Variants in NBAS observed in about 807,000 individuals in gnomAD.
The protein encoded by NBAS is NBAS subunit of NRZ tethering complex.
A neutral mutation model predicts 302.5 loss-of-function variants in NBAS; 219 were observed. The observed-to-expected ratio is 0.72, with a 90% CI of 0.65 to 0.81. The LOEUF is 0.81. Among genes scored for constraint, NBAS ranks in the 30% least tolerant of loss-of-function variants. The pLI, the probability that NBAS is intolerant of heterozygous loss-of-function variation, is 0.00. For missense variants in NBAS, 2,932 were observed against 2,841.6 expected, an observed-to-expected ratio of 1.03 and a Z score of -0.72; for synonymous variants, 1,118 against 1,021.6, an observed-to-expected ratio of 1.09 and a Z score of -1.80.
At chr2:15,339,961 G>A (rs975502188) in intron 35 of NBAS, among the ~76,000 whole-genome samples, 1 of 151,240 alleles carries the variant, frequency 6.6e-6, no homozygotes, top group Non-Finnish European at 1.5e-5. Context: ...AGTCAGCTAA[G>A]CAAAATGAAT....
the NBAS span, among the ~76,000 whole-genome samples, chr2:14,954,563 C>T: frequency 2.0e-5 from 3 of 152,064 alleles, 1 homozygote; most frequent in South Asian, 6.2e-4. Flanking sequence ...AGGACATACC[C>T]AAGACTGGGT....
At chr2:15,493,359 C>T (rs921725452) in intron 11 of NBAS, among the ~76,000 whole-genome samples, 2 of 152,206 alleles carry the variant, frequency 1.3e-5, no homozygotes, top group South Asian at 2.1e-4. Flanking sequence ...ATAAAAGCAA[C>T]TACATATCAC....
chr2:14,943,993 C>T, the NBAS span, among the ~76,000 whole-genome samples: 1 of 152,034 alleles, frequency 6.6e-6, no homozygotes, highest in Non-Finnish European at 1.5e-5. Context: ...ATTCGTTCAA[C>T]CAAATAAAAA....
chr2:14,921,839 A>AT, the NBAS span, among the ~76,000 whole-genome samples: 4 of 152,128 alleles, frequency 2.6e-5, no homozygotes, highest in South Asian at 2.1e-4. Context: ...GCTATTATAC[A>AT]TTTTTTTTAC....
chr2:14,950,862 GT>G, the NBAS span, among the ~76,000 whole-genome samples: 1 of 152,214 alleles, frequency 6.6e-6, no homozygotes, highest in Non-Finnish European at 1.5e-5. Flanking sequence ...GTGCCTTTCA[GT>G]TGTCATTAAT....
chr2:14,937,516 A>G, the NBAS span, among the ~76,000 whole-genome samples: 2 of 152,284 alleles, frequency 1.3e-5, no homozygotes, highest in Admixed American at 1.3e-4. Context: ...GCAGCTGAAG[A>G]ACCCTGGAAA....
intron 32 of NBAS, among the ~76,000 whole-genome samples, chr2:15,357,936 C>T (rs1269364408): frequency 6.6e-6 from 1 of 152,096 alleles, no homozygotes; most frequent in Non-Finnish European, 1.5e-5. Flanking sequence ...AATGGCCATT[C>T]TTCTGTGCTC....
At chr2:15,357,696 T>C (rs912187306) in intron 32 of NBAS, among the ~76,000 whole-genome samples, 2 of 152,164 alleles carry the variant, frequency 1.3e-5, no homozygotes, top group Non-Finnish European at 1.5e-5. Flanking sequence ...GATGAATATA[T>C]ATATAAATGA....
intron 12 of NBAS, among the ~76,000 whole-genome samples, chr2:15,485,690 T>C (rs907103603): frequency 6.6e-5 from 10 of 152,346 alleles, no homozygotes; most frequent in African/African-American, 2.2e-4. Context: ...GCAATTAGCA[T>C]ACAGAAAGAA....
chr2:15,381,091 T>C (rs180868909), intron 29 of NBAS, among the ~76,000 whole-genome samples: 193 of 152,340 alleles, frequency 1.3e-3, no homozygotes, highest in Non-Finnish European at 2.2e-3. Context: ...ATGACTTATA[T>C]GTCATAGTTT....
intron 9 of NBAS, among the ~76,000 whole-genome samples, chr2:15,513,027 T>G (rs1553329716): frequency 6.6e-6 from 1 of 152,198 alleles, no homozygotes; most frequent in Non-Finnish European, 1.5e-5. Flanking sequence ...AGAACTCATC[T>G]CTACCATATA....
At position 15,392,529 on chromosome 2, in the gene NBAS, G is replaced by T. The variant is rs10167989; in HGVS notation, c.3257+1698C>A. Among the ~76,000 whole-genome samples, 89 of 151,846 alleles carry T rather than the reference G, an allele frequency of 5.9e-4. 1 individual carries two copies. Among genetic ancestry groups the T allele is most frequent in the Admixed American group, 3.7e-3 (57 of 15,256 alleles). On this transcript the variant is annotated intron_variant, in intron 28 of 51. Coordinates refer to ENST00000281513, the MANE Select transcript of NBAS (RefSeq NM_015909.4). ...AAGAAAGAAATTCCCTTTACAATAG[G>T]ACCAAACAAGAATAAAATACTTAAG...
downstream of NBAS, among the ~76,000 whole-genome samples, chr2:15,163,698 A>C (rs1453745352): frequency 6.6e-6 from 1 of 151,998 alleles, no homozygotes; most frequent in African/African-American, 2.4e-5. Context: ...ATCTGCACAC[A>C]CCTTCTGGAA....
the NBAS span, among the ~76,000 whole-genome samples, chr2:14,941,592 C>T: frequency 6.6e-6 from 1 of 152,164 alleles, no homozygotes; most frequent in African/African-American, 2.4e-5. Context: ...AAATACTTCC[C>T]GGAGCACTGA....
At chr2:14,827,953 A>G in the NBAS span, among the ~76,000 whole-genome samples, 1 of 152,246 alleles carries the variant, frequency 6.6e-6, no homozygotes, top group African/African-American at 2.4e-5. Context: ...CAATAATAAA[A>G]AAAAGACACT....
the NBAS span, among the ~76,000 whole-genome samples, chr2:14,916,310 A>G: frequency 6.6e-6 from 1 of 152,190 alleles, no homozygotes; most frequent in African/African-American, 2.4e-5. Flanking sequence ...TCTATCACCA[A>G]CATTCTAAGA....
chr2:15,467,258 T>C (rs536833605), intron 19 of NBAS, 71 bp downstream of exon 19: 15 of 1,119,718 alleles, frequency 1.3e-5, no homozygotes, highest in East Asian at 2.4e-5. Context: ...ATATCCGATA[T>C]TAGGGCAGCC....
chr2:15,084,128 T>A, the NBAS span, among the ~76,000 whole-genome samples: 11 of 152,060 alleles, frequency 7.2e-5, no homozygotes, highest in Admixed American at 7.2e-4. Flanking sequence ...CAAGGTTAAC[T>A]GCAGCCTTGA....
chr2:15,052,362 A>C, the NBAS span, among the ~76,000 whole-genome samples: 9 of 152,186 alleles, frequency 5.9e-5, no homozygotes, highest in Non-Finnish European at 1.2e-4. Context: ...AGGAATCTCC[A>C]AGCATAGAGA....
Sources: gnomAD v4.1 joint callset for allele counts (sites outside exome capture counted in the v4.1 genomes callset) on GRCh38, gnomAD v4.1.1 for gene constraint, MANE v1.5 for transcripts, NCBI Gene and HGNC (gene_info 2026-07-23, HGNC 2026-07-21) for gene names.